Variants in FRAS1 observed in about 807,000 individuals in gnomAD.
FRAS1 encodes Fraser extracellular matrix complex subunit 1, also known as extracellular matrix organizing protein FRAS1.
FRAS1 carries 290 observed loss-of-function variants against 435.2 expected under a neutral mutation model. That is an observed-to-expected ratio of 0.67 (90% CI 0.61 to 0.73). FRAS1 has a LOEUF of 0.73. Ranked by LOEUF, FRAS1 falls within the 30% of genes least tolerant of loss-of-function variation. FRAS1 has a pLI of 0.00. For missense variants in FRAS1, 4,860 were observed against 5,001.5 expected (o/e 0.97, Z 0.85); for synonymous variants, 1,800 against 1,851.0 (o/e 0.97, Z 0.71).
At chr4:78,304,169 C>T (rs1297759461) in intron 14 of FRAS1, among the ~76,000 whole-genome samples, 2 of 149,688 alleles carry the variant, frequency 1.3e-5, no homozygotes, top group African/African-American at 2.5e-5. Context: ...TATTGATTTG[C>T]TTATATTGAA....
chr4:78,211,226 A>G (rs1723489072), intron 2 of FRAS1, among the ~76,000 whole-genome samples: 1 of 152,228 alleles, frequency 6.6e-6, no homozygotes, highest in South Asian at 2.1e-4. Context: ...AAGTTTATCT[A>G]TGGAAACCTG....
rs148680627 is a variant in FRAS1, at chr4:78,375,169, C to T, written c.3152-570C>T. ...TCCTATGTCCTATTAATAGCTGCTC[C>T]CCTCCAGTATTTAAAATACTATTAA... On this transcript the variant is annotated intron_variant, in intron 25 of 73. Transcript: ENST00000512123. Among the ~76,000 whole-genome samples the T allele has an allele frequency of 6.9e-4, 105 of 152,150 alleles. 1 individual carries two copies. In the Middle Eastern group the frequency reaches 0.027, roughly 39 times the overall value.
In FRAS1 at chr4:78,475,558, G is replaced by A. The variant is rs368149028; in HGVS notation, c.7803G>A (p.Arg2601=). ...TEQGTASSSS[R]VSSQPGQQDY... is the part of the protein sequence containing the mutation. ...AAGGCACCGCCAGCTCCAGCTCCAGGGTCAGCTCCCAACCTGGGCAACAGG... is the reference window on the plus strand; with the variant it reads ...AAGGCACCGCCAGCTCCAGCTCCAGAGTCAGCTCCCAACCTGGGCAACAGG... The change falls in exon 54 of 74, where the codon AGG becomes AGA. Residue 2601 remains arginine (R), a synonymous_variant. Coordinates refer to ENST00000512123, the MANE Select transcript of FRAS1 (RefSeq NM_025074.7). 9 of 1,613,394 alleles carry A rather than the reference G, an allele frequency of 5.6e-6. No homozygotes were observed. The African/African-American group carries it at 1.2e-4, about 22-fold the overall frequency.
chr4:78,166,551 G>A (rs10008931), intron 2 of FRAS1, among the ~76,000 whole-genome samples: 34,048 of 152,008 alleles, frequency 0.22, 4,037 homozygotes, highest in Admixed American at 0.24. Context: ...ATTTTGCTTA[G>A]GAGAGAAATT....
In FRAS1 at chr4:78,333,342, T is replaced by G; in HGVS notation, c.2208T>G (p.His736Gln). The change falls in exon 19 of 74, where the codon CAT becomes CAG. Residue 736 changes from histidine (H) to glutamine (Q), a missense_variant. Transcript: ENST00000512123. ...ACTGCACAGACTGTGGGCCTTCCCA[T>G]GTGCTGTTGGATGGGCAGTGCCTCT... ...PHNCTDCGPS[H>Q]VLLDGQCLSQ... 1 of 1,612,648 alleles carries G rather than the reference T, an allele frequency of 6.2e-7. No homozygotes were observed. The highest frequency in any genetic ancestry group is 8.5e-7 in the Non-Finnish European group (1 of 1,179,406).
intron 22 of FRAS1, among the ~76,000 whole-genome samples, chr4:78,366,736 G>A (rs11936477): frequency 0.17 from 25,516 of 152,060 alleles, 2,736 homozygotes; most frequent in East Asian, 0.33. Flanking sequence ...TGCACTTGCT[G>A]TGGGGGTCAC....
chr4:78,175,418 AC>A (rs2110042699), intron 2 of FRAS1, among the ~76,000 whole-genome samples: 1 of 152,152 alleles, frequency 6.6e-6, no homozygotes, highest in South Asian at 2.1e-4. Context: ...CATTGAATGC[AC>A]CCTCAGTTTA....
intron 2 of FRAS1, among the ~76,000 whole-genome samples, chr4:78,111,893 G>A (rs527880654): frequency 2.0e-5 from 3 of 151,960 alleles, no homozygotes; most frequent in East Asian, 3.9e-4. Context: ...TATGAGAAAA[G>A]CAGGCTTACT....
chr4:78,446,773 T>G lies in FRAS1; in HGVS notation c.5903T>G (p.Val1968Gly), dbSNP rs776463862. Residue 1968 changes from valine (V) to glycine (G), a missense_variant, in exon 43 of 74, where the codon GTG becomes GGG. Coordinates refer to ENST00000512123, the MANE Select transcript of FRAS1 (RefSeq NM_025074.7). ...AGGATGACCTTGCAGCCCCTCAGAGTGCAGCTGAGCTCGGGAGTGGTGATA... is the reference window on the plus strand; with the variant it reads ...AGGATGACCTTGCAGCCCCTCAGAGGGCAGCTGAGCTCGGGAGTGGTGATA... ...PPRMTLQPLR[V>G]QLSSGVVISN... 3.1e-6 allele frequency: 5 copies of G among 1,613,344 alleles called. No homozygotes were observed. The highest frequency in any genetic ancestry group is 4.2e-6 in the Non-Finnish European group (5 of 1,179,754).
At chr4:78,070,814 A>G (rs1034954644) in intron 2 of FRAS1, 6 of 152,262 alleles carry the variant, frequency 3.9e-5, no homozygotes, top group African/African-American at 9.6e-5. Flanking sequence ...CCTGGGATCA[A>G]TGACTTGACT....
intron 2 of FRAS1, among the ~76,000 whole-genome samples, chr4:78,169,310 C>G (rs1470524971): frequency 1.3e-5 from 2 of 152,110 alleles, no homozygotes; most frequent in Admixed American, 6.5e-5. Context: ...CCTCTGTTCT[C>G]TCTCCCTACA....
chr4:78,122,213 G>A (rs1560535144), intron 2 of FRAS1, among the ~76,000 whole-genome samples: 1 of 152,066 alleles, frequency 6.6e-6, no homozygotes, highest in East Asian at 1.9e-4. Flanking sequence ...ACTTATGAGT[G>A]AGAACATTTG....
chr4:78,515,067 C>CG (rs372085667), intron 65 of FRAS1, among the ~76,000 whole-genome samples: 1 of 136,530 alleles, frequency 7.3e-6, no homozygotes, highest in Non-Finnish European at 1.6e-5. Context: ...GACTCCATCT[C>CG]AAAAAAAAAA....
At chr4:78,137,904 T>G (rs1435541123) in intron 2 of FRAS1, among the ~76,000 whole-genome samples, 1 of 152,198 alleles carries the variant, frequency 6.6e-6, no homozygotes, top group African/African-American at 2.4e-5. Flanking sequence ...ATATAGGCAA[T>G]AGTATGAAAT....
chr4:78,452,243 A>G lies in FRAS1; in HGVS notation c.6652A>G (p.Ile2218Val), dbSNP rs1380892949. Residue 2218 changes from isoleucine to valine, a missense_variant, in exon 47 of 74, where the codon ATC becomes GTC. Ile to Val is a conservative substitution (Grantham distance 29, BLOSUM62 3). Transcript: ENST00000512123. ...LVLDENSVKK[I>V]TTLQLSATDQ... is the part of the protein sequence containing the mutation. ...CTTGGATGAAAACTCAGTGAAGAAA[A>G]TCACCACCCTGCAGCTGTCTGCCAC... The G allele has an allele frequency of 6.2e-7, 1 of 1,613,880 alleles. No homozygotes were observed. The highest frequency in any genetic ancestry group is 1.7e-5 in the Admixed American group (1 of 60,016).
At chr4:78,366,812 G>C (rs754539446) in intron 22 of FRAS1, among the ~76,000 whole-genome samples, 4 of 152,178 alleles carry the variant, frequency 2.6e-5, no homozygotes, top group Non-Finnish European at 4.4e-5. Context: ...GTCAGTACTA[G>C]TAAGTACTTT....
chr4:78,356,560 A>C (rs966306390), intron 20 of FRAS1, among the ~76,000 whole-genome samples: 12 of 152,240 alleles, frequency 7.9e-5, no homozygotes, highest in Non-Finnish European at 1.5e-4. Flanking sequence ...TTGCATCATA[A>C]TATTCTTAAT....
intron 16 of FRAS1, 94 bp from the exon 17 acceptor site, chr4:78,317,274 G>A (rs904506875): frequency 4.5e-5 from 64 of 1,412,146 alleles, no homozygotes; most frequent in Non-Finnish European, 6.2e-5. Context: ...ATCCACAGGG[G>A]ACTAAGAGTC....
At chr4:78,134,434 C>A (rs920513220) in intron 2 of FRAS1, among the ~76,000 whole-genome samples, 4 of 152,082 alleles carry the variant, frequency 2.6e-5, no homozygotes, top group African/African-American at 9.7e-5. Context: ...AAGTACTGGG[C>A]CTGTAATCAC....
Sources: gnomAD v4.1 joint callset for allele counts (sites outside exome capture counted in the v4.1 genomes callset) on GRCh38, gnomAD v4.1.1 for gene constraint, MANE v1.5 for transcripts, NCBI Gene and HGNC (gene_info 2026-07-23, HGNC 2026-07-21) for gene names.